The following GTF2A1 variants were observed in gnomAD, a reference collection of about 807,000 sequenced individuals.
GTF2A1 encodes transcription initiation factor IIA subunit 1.
GTF2A1 carries 12 observed loss-of-function variants against 54.1 expected under a neutral mutation model. That is an observed-to-expected ratio of 0.22 (90% confidence interval 0.14 to 0.36). The LOEUF (loss-of-function observed/expected upper bound fraction) is 0.36. Among genes scored for constraint, GTF2A1 ranks in the 10% least tolerant of loss-of-function variants. The pLI is 1.00. For missense variants in GTF2A1, 335 were observed against 442.2 expected (o/e 0.76, Z 2.17); for synonymous variants, 145 against 152.0 (o/e 0.95, Z 0.34).
At chr14:81,191,222 T>G (rs1214685189) in intron 7 of GTF2A1, among the ~76,000 whole-genome samples, 1 of 152,198 alleles carries the variant, frequency 6.6e-6, no homozygotes, top group East Asian at 1.9e-4. Flanking sequence ...GGTATGGACA[T>G]CTGCACAATT....
chr14:81,216,576 G>C (rs1893493842), intron 1 of GTF2A1, 62 bp from the exon 2 acceptor site: 1 of 716,852 alleles, frequency 1.4e-6, no homozygotes, highest in Non-Finnish European at 2.4e-6. Flanking sequence ...ATGTATAACA[G>C]GTTTTCACAA....
chr14:81,190,441 A>G (rs1251104129), intron 7 of GTF2A1, among the ~76,000 whole-genome samples: 1 of 152,162 alleles, frequency 6.6e-6, no homozygotes, highest in Non-Finnish European at 1.5e-5. Context: ...CAATTTATAA[A>G]AAGAGAAATA....
At chr14:81,199,578 A>G (rs1025039017) in intron 4 of GTF2A1, among the ~76,000 whole-genome samples, 1 of 152,240 alleles carries the variant, frequency 6.6e-6, no homozygotes, top group African/African-American at 2.4e-5. Flanking sequence ...AAACACTTTT[A>G]TTGGTACAGA....
rs139006396 is a variant in GTF2A1 at position 81,202,238 on chromosome 14, T to A, written c.338-580A>T. Among the ~76,000 whole-genome samples the A allele has an allele frequency of 8.1e-4, 124 of 152,312 alleles. 2 individuals are homozygous for A. The East Asian group carries it at 0.022, about 27-fold the overall frequency. ...TAGTTCTATGCATTCTTAAGTAAAC[T>A]GGACATTTTCAAACATAATTTTGTC... On this transcript the variant is annotated intron_variant, in intron 3 of 8. Coordinates refer to ENST00000553612, the MANE Select transcript of GTF2A1 (RefSeq NM_015859.4).
At chr14:81,185,413 A>G (rs1892722606) in intron 8 of GTF2A1, 118 bp downstream of exon 8, 3 of 596,558 alleles carry the variant, frequency 5.0e-6, no homozygotes, top group African/African-American at 3.7e-5. Flanking sequence ...CGTACTATTC[A>G]TAATGAATTT....
intron 2 of GTF2A1, chr14:81,204,325 G>T: frequency 1.5e-6 from 1 of 679,582 alleles, no homozygotes; most frequent in Admixed American, 2.1e-5. Context: ...TGAAGATTTT[G>T]TTTCTTTTTT....
chr14:81,196,669 C>A (rs1595216951), intron 5 of GTF2A1, among the ~76,000 whole-genome samples: 1 of 152,290 alleles, frequency 6.6e-6, no homozygotes, highest in East Asian at 1.9e-4. Context: ...CACCAAAGAA[C>A]TTTGCTTCAA....
chr14:81,214,633 G>A (rs1285600874), intron 2 of GTF2A1, among the ~76,000 whole-genome samples: 13 of 146,304 alleles, frequency 8.9e-5, no homozygotes, highest in Admixed American at 6.2e-4. Flanking sequence ...GTGACAGAGC[G>A]AAACTCCGTC....
intron 4 of GTF2A1, among the ~76,000 whole-genome samples, chr14:81,198,685 A>T (rs1198346149): frequency 6.6e-6 from 1 of 151,992 alleles, no homozygotes; most frequent in South Asian, 2.1e-4. Context: ...CTCTCTTTTC[A>T]ATCTTCTTTA....
Position 81,204,045 on chromosome 14 carries a change from C to T in GTF2A1, c.192G>A (p.Gln64=). 1 of 1,613,776 alleles carries T rather than the reference C, an allele frequency of 6.2e-7. No homozygotes were observed. Among genetic ancestry groups the T allele is most frequent in the Non-Finnish European group, 8.5e-7 (1 of 1,179,738 alleles). ...GCTGTTGAACTTGCAGTAGAAGCTG[C>T]TGCTCTTCTGAATGAAATCCATCTA... is the stretch of plus-strand genomic sequence containing the variant. ...RAVDGFHSEE[Q]QLLLQVQQQH... Residue 64 remains glutamine, a synonymous_variant, in exon 3 of 9, where the codon CAG becomes CAA. Transcript: ENST00000553612.
rs759390225 is a variant in GTF2A1, at chr14:81,192,827, G to C, written c.625C>G (p.Leu209Val). ...GTCTGTGGTGAAATCCCTCCAGGAA[G>C]AGGAGCCAGCACCTAAAGCAAAAGA... ...APVIQQVLAP[L>V]PGGISPQTGV... Residue 209 changes from leucine to valine, a missense_variant, in exon 7 of 9, where the codon CTT (leucine) becomes GTT (valine). Coordinates refer to ENST00000553612, the MANE Select transcript of GTF2A1 (RefSeq NM_015859.4). 2.5e-6 allele frequency: 4 copies of C among 1,607,074 alleles called. No homozygotes were observed. The highest frequency in any genetic ancestry group is 4.5e-5 in the East Asian group (2 of 44,848).
chr14:81,217,471 T>G (rs956771007), intron 1 of GTF2A1, among the ~76,000 whole-genome samples: 3 of 152,202 alleles, frequency 2.0e-5, no homozygotes, highest in Non-Finnish European at 4.4e-5. Flanking sequence ...ATCCTCCCCA[T>G]TATCAGAGGG....
At chr14:81,200,295 G>C (rs376607673) in intron 4 of GTF2A1, among the ~76,000 whole-genome samples, 1 of 152,018 alleles carries the variant, frequency 6.6e-6, no homozygotes. Context: ...TCACAAAGTA[G>C]AACTCATCTT....
Position 81,175,882 on chromosome 14 carries a change from G to C in GTF2A1, c.*4341C>G, listed in dbSNP as rs528557754. Reference sequence around the variant, plus strand: ...ACCAATTTTTAGTTATAATTTGTTAGTGTGAATTCGCCCAACCTAAATTCC... The same window carrying C: ...ACCAATTTTTAGTTATAATTTGTTACTGTGAATTCGCCCAACCTAAATTCC... On this transcript the variant is annotated 3_prime_UTR_variant, in exon 9 of 9. Coordinates refer to ENST00000553612, the MANE Select transcript of GTF2A1 (RefSeq NM_015859.4). The C allele has an allele frequency of 6.6e-6, 1 of 152,112 alleles. No homozygotes were observed. Among genetic ancestry groups the C allele is most frequent in the Non-Finnish European group, 1.5e-5 (1 of 68,000 alleles). The allele number at this position is 152,112 out of a possible 1,614,324, so 9.4% of individuals were successfully genotyped here. A position where few individuals can be genotyped will look rare whatever the true frequency, so the allele number is the denominator to read the frequency against.
In GTF2A1 at chr14:81,201,658, G is replaced by C; in HGVS notation, c.338C>G (p.Ala113Gly). 3 of 1,606,514 alleles carry C rather than the reference G, an allele frequency of 1.9e-6. No individual in the cohort carries two copies. Among genetic ancestry groups the C allele is most frequent in the Non-Finnish European group, 2.6e-6 (3 of 1,173,326 alleles). Residue 113 changes from alanine to glycine, a missense_variant and splice_region_variant, in exon 4 of 9, where the codon GCC becomes GGC. Ala to Gly is a moderately conservative substitution (Grantham distance 60, BLOSUM62 0). Coordinates refer to ENST00000553612, the MANE Select transcript of GTF2A1 (RefSeq NM_015859.4). Reference sequence around the variant, plus strand: ...TGGAACAATAACTTGTGGTGCTGTGGCTACAAAAAAACAAGCGAACATGCA... The same window carrying C: ...TGGAACAATAACTTGTGGTGCTGTGCCTACAAAAAAACAAGCGAACATGCA... ...QQVLIPASQQ[A>G]TAPQVIVPDS...
Position 81,176,102 on chromosome 14 carries a change from A to G in GTF2A1, c.*4121T>C, listed in dbSNP as rs1892521830. The G allele has an allele frequency of 6.6e-6, 1 of 152,194 alleles. No homozygotes were observed. Among genetic ancestry groups the G allele is most frequent in the African/African-American group, 2.4e-5 (1 of 41,470 alleles). The allele number at this position is 152,194 out of a possible 1,614,324, so 9.4% of individuals were successfully genotyped here. On this transcript the variant is annotated 3_prime_UTR_variant, in exon 9 of 9. Coordinates refer to ENST00000553612, the MANE Select transcript of GTF2A1 (RefSeq NM_015859.4). Reference sequence around the variant, plus strand: ...TAAATTGTATTTTATTCAATTATCTATAACAATGCCATATACTAGTAAGCA... The same window carrying G: ...TAAATTGTATTTTATTCAATTATCTGTAACAATGCCATATACTAGTAAGCA...
chr14:81,212,147 T>C (rs1285879982), intron 2 of GTF2A1, among the ~76,000 whole-genome samples: 2 of 152,080 alleles, frequency 1.3e-5, no homozygotes, highest in Non-Finnish European at 2.9e-5. Context: ...CAGAGGCAGA[T>C]AAACTGAATT....
chr14:81,215,629 T>C (rs1216749308), intron 2 of GTF2A1, among the ~76,000 whole-genome samples: 7 of 152,212 alleles, frequency 4.6e-5, no homozygotes, highest in Non-Finnish European at 1.5e-5. Flanking sequence ...ATTCAAAACA[T>C]TCGGCCTACA....
chr14:81,180,384 A>C, intron 8 of GTF2A1, 54 bp from the exon 9 acceptor site: 4 of 804,920 alleles, frequency 5.0e-6, no homozygotes, highest in Non-Finnish European at 8.7e-6. Context: ...AAACAGAGAA[A>C]ACAAGTAACA....
Sources: gnomAD v4.1 joint callset for allele counts (sites outside exome capture counted in the v4.1 genomes callset) on GRCh38, gnomAD v4.1.1 for gene constraint, MANE v1.5 for transcripts, NCBI Gene and HGNC (gene_info 2026-07-23, HGNC 2026-07-21) for gene names.